Variants in TSPAN3 observed in about 807,000 individuals in gnomAD.
TSPAN3 encodes tetraspanin 3, also known as tetraspanin-3.
In TSPAN3, 9 loss-of-function variants were observed where a neutral mutation model predicts 31.1. The observed-to-expected ratio is 0.29, with a 90% CI of 0.17 to 0.50. The LOEUF (loss-of-function observed/expected upper bound fraction) is 0.50, where lower values mean the gene tolerates loss of function less well. TSPAN3 is among the 20% of genes least tolerant of loss of function. The pLI, the probability that TSPAN3 is intolerant of heterozygous loss-of-function variation, is 0.98. For synonymous variants in TSPAN3, 129 were observed against 114.3 expected, an observed-to-expected ratio of 1.13 and a Z score of -0.82; for missense variants, 252 against 313.5, an observed-to-expected ratio of 0.80 and a Z score of 1.48.
chr15:77,052,977 T>C (rs1309767039), intron 4 of TSPAN3, 48 bp from the exon 5 acceptor site: 3 of 1,553,744 alleles, frequency 1.9e-6, no homozygotes, highest in Non-Finnish European at 2.6e-6. Context: ...ACCAAATACC[T>C]GAAGTTCCAT....
chr15:77,063,257 TTA>T lies in TSPAN3; in HGVS notation c.64-7004_64-7003del, dbSNP rs1479162798. The T allele has an allele frequency of 2.0e-5, 3 of 152,368 alleles. No homozygotes were observed. In the East Asian group the frequency reaches 5.8e-4, roughly 29 times the overall value. The allele number at this position is 152,368 out of a possible 1,614,324, so 9.4% of individuals were successfully genotyped here. ...TCTAACACAATTCTTTCAATGTACA[TTA>T]TGTTCCTTTTCTCATAAATATTACT... On this transcript the variant is annotated intron_variant, in intron 1 of 6. Coordinates refer to ENST00000267970, the MANE Select transcript of TSPAN3 (RefSeq NM_005724.6).
Position 77,052,916 on chromosome 15 carries a change from C to G in TSPAN3, c.446G>C (p.Gly149Ala). Residue 149 changes from glycine to alanine, a missense_variant, in exon 5 of 7, where the codon GGA becomes GCA. Coordinates refer to ENST00000267970, the MANE Select transcript of TSPAN3 (RefSeq NM_005724.6). The part of the protein sequence containing the change: ...DYVQRQLHCC[G>A]IHNYSDWENT... The stretch of plus-strand genomic sequence containing the variant: ...TTCCCAGTCTGAGTAGTTGTGAATT[C>G]CACAACAATGCAGCTAAAGGAGAAG... 1 of 1,613,512 alleles carries G rather than the reference C, an allele frequency of 6.2e-7. No individual in the cohort carries two copies.
intron 1 of TSPAN3, among the ~76,000 whole-genome samples, chr15:77,065,101 A>C (rs895323191): frequency 7.2e-5 from 11 of 152,186 alleles, no homozygotes; most frequent in Admixed American, 1.3e-4. Flanking sequence ...GAATCCCCCC[A>C]GTCTCCCAAT....
chr15:77,061,985 A>C (rs891005923), intron 1 of TSPAN3, among the ~76,000 whole-genome samples: 1 of 152,258 alleles, frequency 6.6e-6, no homozygotes, highest in African/African-American at 2.4e-5. Flanking sequence ...GAGAGAAAGG[A>C]AAAAAGTCAA....
chr15:77,058,071 G>A (rs1259633697), intron 1 of TSPAN3, among the ~76,000 whole-genome samples: 1 of 152,002 alleles, frequency 6.6e-6, no homozygotes, highest in East Asian at 1.9e-4. Context: ...AACATTATTC[G>A]AATACCTCAA....
At chr15:77,049,058 A>C (rs1389670471) in intron 6 of TSPAN3, among the ~76,000 whole-genome samples, 1 of 152,250 alleles carries the variant, frequency 6.6e-6, no homozygotes, top group African/African-American at 2.4e-5. Flanking sequence ...TATGCCTATA[A>C]AATGGAATAC....
intron 1 of TSPAN3, among the ~76,000 whole-genome samples, chr15:77,058,206 T>TA (rs1416527419): frequency 1.3e-5 from 2 of 152,186 alleles, no homozygotes; most frequent in African/African-American, 4.8e-5. Flanking sequence ...TTATATTTAT[T>TA]AAAAATACAA....
Position 77,056,193 on chromosome 15 carries a change from G to A in TSPAN3, c.126C>T (p.Asp42=), listed in dbSNP as rs1476224009. ...GCGTGTACACATCTTCAAAGAAGTG[G>A]TCATAGTCATCATAAGTGATGAAGA... ...AYVFITYDDY[D]HFFEDVYTLI... The change falls in exon 2 of 7, where the codon GAC becomes GAT. Residue 42 remains aspartate (D), a synonymous_variant. Coordinates refer to ENST00000267970, the MANE Select transcript of TSPAN3 (RefSeq NM_005724.6). 1.9e-6 allele frequency: 3 copies of A among 1,613,738 alleles called. No individual in the cohort carries two copies. In the Admixed American group the frequency reaches 5.0e-5, roughly 27 times the overall value.
At chr15:77,065,288 A>G (rs1343806583) in intron 1 of TSPAN3, among the ~76,000 whole-genome samples, 1 of 152,216 alleles carries the variant, frequency 6.6e-6, no homozygotes, top group African/African-American at 2.4e-5. Context: ...AAGTTCTGTA[A>G]GAATAGGGAT....
intron 6 of TSPAN3, among the ~76,000 whole-genome samples, chr15:77,051,953 A>C (rs2076734265): frequency 6.6e-6 from 1 of 152,264 alleles, no homozygotes; most frequent in Admixed American, 6.5e-5. Flanking sequence ...GTGAGGACAG[A>C]AAAACAAGAA....
chr15:77,055,347 C>T (rs1433018137), intron 3 of TSPAN3: 1 of 153,538 alleles, frequency 6.5e-6, no homozygotes, highest in African/African-American at 2.4e-5. Flanking sequence ...ACCCCTTGTT[C>T]CTCAGGACAG....
rs75228195 is a variant in TSPAN3, at chr15:77,049,606, C to A, written c.670-2679G>T. Among the ~76,000 whole-genome samples the A allele has an allele frequency of 3.1e-3, 476 of 152,230 alleles. 4 individuals carry two copies. The highest frequency in any genetic ancestry group is 0.01 in the African/African-American group (427 of 41,538). ...TCCTGCTAATTAATAAGGGGTACAT[C>A]AAAATTTTTAAAACCTCATTCTTTT... On this transcript the variant is annotated intron_variant, in intron 6 of 6. Coordinates refer to ENST00000267970, the MANE Select transcript of TSPAN3 (RefSeq NM_005724.6).
intron 6 of TSPAN3, among the ~76,000 whole-genome samples, chr15:77,051,335 C>T (rs1203585949): frequency 1.1e-4 from 17 of 152,072 alleles, no homozygotes; most frequent in African/African-American, 4.1e-4. Context: ...CAAGACCAAC[C>T]TGGCCAACAT....
intron 1 of TSPAN3, among the ~76,000 whole-genome samples, chr15:77,060,408 C>A (rs1460168470): frequency 6.6e-6 from 1 of 152,178 alleles, no homozygotes; most frequent in Non-Finnish European, 1.5e-5. Flanking sequence ...ATCCCAGTAG[C>A]AGCTGAAGAC....
In TSPAN3 at chr15:77,042,574, G is replaced by A. The variant is rs906182244; in HGVS notation, c.*4261C>T. On this transcript the variant is annotated 3_prime_UTR_variant, in exon 7 of 7. Coordinates refer to ENST00000267970, the MANE Select transcript of TSPAN3 (RefSeq NM_005724.6). ...AGGAACTCTTCCCCCATCCCCAAAGGTCAATGATGAAGTCGACTTTTGAAA... is the reference window on the plus strand; with the variant it reads ...AGGAACTCTTCCCCCATCCCCAAAGATCAATGATGAAGTCGACTTTTGAAA... 8 of 152,158 alleles carry A rather than the reference G, an allele frequency of 5.3e-5. No homozygotes were observed. The highest frequency in any genetic ancestry group is 5.2e-4 in the Admixed American group (8 of 15,272). The allele number at this position is 152,158 out of a possible 1,614,324, so 9.4% of individuals were successfully genotyped here.
intron 6 of TSPAN3, among the ~76,000 whole-genome samples, chr15:77,050,966 T>TCAAATATACAAAGAGCAAGCAGTC (rs1462988232): frequency 2.0e-5 from 3 of 152,164 alleles, no homozygotes; most frequent in Non-Finnish European, 4.4e-5. Context: ...TAGCTTCTGT[T>TCAAATATACAAAGAGCAAGCAGTC]CAAATATACA....
chr15:77,046,365 A>G lies in TSPAN3; in HGVS notation c.*470T>C, dbSNP rs1336150469. The G allele has an allele frequency of 5.0e-6, 2 of 401,088 alleles. No homozygotes were observed. The highest frequency in any genetic ancestry group is 8.8e-6 in the Non-Finnish European group (2 of 227,392). The allele number at this position is 401,088 out of a possible 1,614,324, so 24.8% of individuals were successfully genotyped here. On this transcript the variant is annotated 3_prime_UTR_variant, in exon 7 of 7. Transcript: ENST00000267970. ...GCTATCTTATTGGACTACAGTAAAT[A>G]TTTTTTAAAAGGACACCAATGAGGG...
intron 1 of TSPAN3, chr15:77,064,039 G>A (rs945100170): frequency 2.6e-5 from 4 of 152,166 alleles, no homozygotes; most frequent in Non-Finnish European, 5.9e-5. Flanking sequence ...AACAATGTAA[G>A]TTACAAAATG....
At position 77,046,645 on chromosome 15, in the gene TSPAN3, C is replaced by G; in HGVS notation, c.*190G>C. 1 of 570,282 alleles carries G rather than the reference C, an allele frequency of 1.8e-6. No individual in the cohort carries two copies. Among genetic ancestry groups the G allele is most frequent in the Non-Finnish European group, 3.1e-6 (1 of 322,188 alleles). The allele number at this position is 570,282 out of a possible 1,614,324, so 35.3% of individuals were successfully genotyped here. On this transcript the variant is annotated 3_prime_UTR_variant, in exon 7 of 7. Coordinates refer to ENST00000267970, the MANE Select transcript of TSPAN3 (RefSeq NM_005724.6). ...AAATCTTAGGGGCATGAAGAGTCAG[C>G]TAGAACAAGGAAAAAGAAAGTCGCA... is the stretch of plus-strand genomic sequence containing the variant.
Sources: allele counts gnomAD v4.1 joint callset (sites outside exome capture counted in the v4.1 genomes callset), GRCh38; gene constraint gnomAD v4.1.1; transcripts MANE v1.5; gene names NCBI Gene and HGNC (gene_info 2026-07-23, HGNC 2026-07-21).